Variants in SMURF1 observed in about 807,000 individuals in gnomAD.
The protein encoded by SMURF1 is SMAD specific E3 ubiquitin protein ligase 1, also known as E3 ubiquitin-protein ligase SMURF1.
Under a neutral mutation model 98.0 loss-of-function variants are expected in SMURF1, and 44 were observed. That is an observed-to-expected ratio of 0.45 (90% CI 0.35 to 0.58). The LOEUF is 0.58. Ranked by LOEUF, SMURF1 falls within the 20% of genes least tolerant of loss-of-function variation. The pLI, the probability that SMURF1 is intolerant of heterozygous loss-of-function variation, is 0.00. For synonymous variants in SMURF1, 396 were observed against 374.9 expected (o/e 1.06, Z -0.65); for missense variants, 687 against 938.4 (o/e 0.73, Z 3.50).
At chr7:99,143,633 G>T in intron 1 of SMURF1, 93 bp downstream of exon 1, 1 of 1,115,964 alleles carries the variant, frequency 9.0e-7, no homozygotes, top group Non-Finnish European at 1.2e-6. Context: ...AACGGCCGGC[G>T]TGGGGGAGGG....
At position 99,061,809 on chromosome 7, in the gene SMURF1, T is replaced by C; in HGVS notation, c.84A>G (p.Lys28=). The C allele has an allele frequency of 6.2e-7, 1 of 1,605,390 alleles. No homozygotes were observed. The highest frequency in any genetic ancestry group is 8.5e-7 in the Non-Finnish European group (1 of 1,176,252). ...TVLCAKNLAK[K]DFFRLPDPFA... ...TAAGTGTTTACTTACTGAAGAAGTCTTTCTTTGCAAGGTTCTTGGCACATA... is the reference window on the plus strand; with the variant it reads ...TAAGTGTTTACTTACTGAAGAAGTCCTTCTTTGCAAGGTTCTTGGCACATA... The change falls in exon 2 of 18, where the codon AAA becomes AAG. Residue 28 remains lysine (K), a synonymous_variant. Transcript: ENST00000361368.
chr7:99,135,834 A>G (rs1269293749), intron 1 of SMURF1, among the ~76,000 whole-genome samples: 1 of 152,128 alleles, frequency 6.6e-6, no homozygotes, highest in Non-Finnish European at 1.5e-5. Context: ...CTTGGTACCT[A>G]CTCTATCAAT....
intron 8 of SMURF1, chr7:99,050,859 C>T: frequency 3.8e-6 from 5 of 1,320,588 alleles, no homozygotes; most frequent in Non-Finnish European, 5.1e-6. Flanking sequence ...AAATAAAAAG[C>T]AAAAGAAAAA....
At chr7:99,100,997 A>C (rs1261474271) in intron 1 of SMURF1, among the ~76,000 whole-genome samples, 36 of 152,230 alleles carry the variant, frequency 2.4e-4, no homozygotes, top group Admixed American at 2.4e-3. Context: ...ATGGAGGAAA[A>C]GGTGACCAAT....
At chr7:99,117,344 TTTTTGG>T (rs753099569) in intron 1 of SMURF1, among the ~76,000 whole-genome samples, 42 of 149,554 alleles carry the variant, frequency 2.8e-4, no homozygotes, top group Non-Finnish European at 3.5e-4. Flanking sequence ...AACAACGCTT[TTTTTGG>T]TTTTGTTTTT....
At chr7:99,046,945 C>T (rs1475286565) in intron 10 of SMURF1, among the ~76,000 whole-genome samples, 1 of 152,188 alleles carries the variant, frequency 6.6e-6, no homozygotes, top group Admixed American at 6.5e-5. Flanking sequence ...TCAGCTCCCT[C>T]GGCCCCCCAG....
In SMURF1 at chr7:99,077,690, T is replaced by C. The variant is rs1584152497; in HGVS notation, c.56-15853A>G. Among the ~76,000 whole-genome samples, 3 of 152,140 alleles carry C rather than the reference T, an allele frequency of 2.0e-5. No homozygotes were observed. In the East Asian group the frequency reaches 5.8e-4, roughly 29 times the overall value. The stretch of plus-strand genomic sequence containing the variant: ...TATGTCTGGTTCACTTTCTATTCTT[T>C]GTTCAGATTATTAATATGTCATTTG... On this transcript the variant is annotated intron_variant, in intron 1 of 17. Coordinates refer to ENST00000361368, the MANE Select transcript of SMURF1 (RefSeq NM_181349.3).
intron 9 of SMURF1, chr7:99,048,221 C>G (rs1795645189): frequency 2.8e-5 from 7 of 253,030 alleles, no homozygotes; most frequent in Non-Finnish European, 3.1e-5. Flanking sequence ...AACCCGGTCT[C>G]TACTAAAAAT....
intron 8 of SMURF1, chr7:99,051,063 A>T (rs1795741426): frequency 3.6e-6 from 5 of 1,395,476 alleles, no homozygotes; most frequent in Non-Finnish European, 2.0e-6. Context: ...TTGACTTATG[A>T]TGGAAAATTT....
intron 1 of SMURF1, among the ~76,000 whole-genome samples, chr7:99,101,713 GC>G (rs1375867707): frequency 3.3e-5 from 5 of 152,202 alleles, no homozygotes; most frequent in Non-Finnish European, 5.9e-5. Context: ...GCCGAGGCAG[GC>G]GGATCGCCTG....
intron 16 of SMURF1, 84 bp downstream of exon 16, chr7:99,035,431 A>G: frequency 6.7e-7 from 1 of 1,502,290 alleles, no homozygotes. Flanking sequence ...CATCTCAGAA[A>G]AACATCCCAG....
At chr7:99,043,676 T>G (rs1795467602) in intron 11 of SMURF1, among the ~76,000 whole-genome samples, 1 of 152,232 alleles carries the variant, frequency 6.6e-6, no homozygotes, top group South Asian at 2.1e-4. Flanking sequence ...GGCACATATT[T>G]ACAGAGACAA....
At chr7:99,094,979 A>C (rs1256920732) in intron 1 of SMURF1, among the ~76,000 whole-genome samples, 2 of 152,206 alleles carry the variant, frequency 1.3e-5, no homozygotes, top group Admixed American at 1.3e-4. Context: ...CAGGGCTCAG[A>C]GTTCCACTTC....
At chr7:99,050,838 A>G in intron 8 of SMURF1, 5 of 1,098,720 alleles carry the variant, frequency 4.6e-6, no homozygotes, top group Non-Finnish European at 6.6e-6. Context: ...TAGTAATGCT[A>G]TTCTAAAAGG....
intron 1 of SMURF1, among the ~76,000 whole-genome samples, chr7:99,083,697 C>T (rs988973944): frequency 6.6e-6 from 1 of 152,202 alleles, no homozygotes. Context: ...AGGATCTCGA[C>T]TGCCTACAAA....
At chr7:99,126,482 C>T (rs1417635226) in intron 1 of SMURF1, among the ~76,000 whole-genome samples, 1 of 151,760 alleles carries the variant, frequency 6.6e-6, no homozygotes, top group African/African-American at 2.4e-5. Flanking sequence ...ATGGTGAAAC[C>T]CTGTCTCTAT....
intron 1 of SMURF1, among the ~76,000 whole-genome samples, chr7:99,062,492 TA>T (rs907420324): frequency 1.5e-4 from 22 of 150,976 alleles, no homozygotes; most frequent in Non-Finnish European, 2.8e-4. Flanking sequence ...GGGAAGGTGG[TA>T]AAAAAAAATA....
intron 1 of SMURF1, among the ~76,000 whole-genome samples, chr7:99,141,006 T>C (rs1267899969): frequency 1.3e-5 from 2 of 152,202 alleles, no homozygotes; most frequent in African/African-American, 4.8e-5. Flanking sequence ...TGGCATTGCA[T>C]GTGTACCATT....
At chr7:99,059,604 A>G (rs998551687) in intron 3 of SMURF1, among the ~76,000 whole-genome samples, 12 of 151,988 alleles carry the variant, frequency 7.9e-5, no homozygotes, top group Non-Finnish European at 1.5e-4. Flanking sequence ...ACAGAAACAT[A>G]CAGTCATAAT....
Sources: allele counts gnomAD v4.1 joint callset (sites outside exome capture counted in the v4.1 genomes callset), GRCh38; gene constraint gnomAD v4.1.1; transcripts MANE v1.5; gene names NCBI Gene and HGNC (gene_info 2026-07-23, HGNC 2026-07-21).